The following LIMD1 variants were observed in gnomAD, a reference collection of about 807,000 sequenced individuals.
LIMD1 encodes the protein LIM domain-containing protein 1.
A neutral mutation model predicts 58.4 loss-of-function variants in LIMD1; 23 were observed. The ratio of observed to expected loss-of-function variants is 0.39; its 90% CI spans 0.28 to 0.56. LIMD1 has a LOEUF of 0.56. Among genes scored for constraint, LIMD1 ranks in the 20% least tolerant of loss-of-function variants. The pLI, the probability that LIMD1 is intolerant of heterozygous loss-of-function variation, is 0.57. For synonymous variants in LIMD1, 334 were observed against 345.5 expected, an observed-to-expected ratio of 0.97 and a Z score of 0.37; for missense variants, 838 against 855.5, an observed-to-expected ratio of 0.98 and a Z score of 0.25.
At chr3:45,646,072 T>C (rs1219658357) in intron 2 of LIMD1, among the ~76,000 whole-genome samples, 1 of 151,412 alleles carries the variant, frequency 6.6e-6, no homozygotes, top group Admixed American at 6.6e-5. Context: ...AGGCTTTATA[T>C]GCAGTCCAGT....
intron 1 of LIMD1, among the ~76,000 whole-genome samples, chr3:45,598,521 T>C (rs993857141): frequency 6.6e-6 from 1 of 152,198 alleles, no homozygotes; most frequent in Non-Finnish European, 1.5e-5. Flanking sequence ...ATTGAGCACC[T>C]ATCTTGAGGC....
At chr3:45,596,426 G>C in intron 1 of LIMD1, 139 bp downstream of exon 1, 1 of 705,928 alleles carries the variant, frequency 1.4e-6, no homozygotes, top group Non-Finnish European at 2.4e-6. Context: ...TTTGTTTTGG[G>C]CTTCCTCTTT....
At chr3:45,611,242 A>G (rs267212) in intron 1 of LIMD1, among the ~76,000 whole-genome samples, 35,462 of 152,216 alleles carry the variant, frequency 0.23, 4,290 homozygotes, top group East Asian at 0.36. Context: ...GGCTGATTTC[A>G]TGATTGCCAA....
Position 45,685,084 on chromosome 3 carries a change from T to C in LIMD1, c.*8025T>C, listed in dbSNP as rs1467740304. 6.6e-6 allele frequency: 1 copy of C among 152,216 alleles called. No homozygotes were observed. The highest frequency in any genetic ancestry group is 6.5e-5 in the Admixed American group (1 of 15,288). The allele number at this position is 152,216 out of a possible 1,614,324, so 9.4% of individuals were successfully genotyped here. A position where few individuals can be genotyped will look rare whatever the true frequency, so the allele number is the denominator to read the frequency against. On this transcript the variant is annotated 3_prime_UTR_variant, in exon 8 of 8. Coordinates refer to ENST00000273317, the MANE Select transcript of LIMD1 (RefSeq NM_014240.3). Reference sequence around the variant, plus strand: ...TATTTGGATGTGCCAACAAGCTTCATCTGCAGCTTGGACTGTCTCCATTGG... The same window carrying C: ...TATTTGGATGTGCCAACAAGCTTCACCTGCAGCTTGGACTGTCTCCATTGG...
In LIMD1 at chr3:45,672,797, C is replaced by T. The variant is rs756000628; in HGVS notation, c.1749C>T (p.Ile583=). 5 of 1,613,942 alleles carry T rather than the reference C, an allele frequency of 3.1e-6. No individual in the cohort carries two copies. The Admixed American group carries it at 6.7e-5, about 22-fold the overall frequency. Residue 583 remains isoleucine, a synonymous_variant, in exon 5 of 8, where the codon ATC becomes ATT. Coordinates refer to ENST00000273317, the MANE Select transcript of LIMD1 (RefSeq NM_014240.3). ...VPFTVDSENK[I]YCVRDYHKVL... is the part of the protein sequence containing the mutation. Reference sequence around the variant, plus strand: ...TCACCGTGGACTCAGAGAACAAGATCTACTGTGTCCGAGATTACCACAAGT... The same window carrying T: ...TCACCGTGGACTCAGAGAACAAGATTTACTGTGTCCGAGATTACCACAAGT...
At position 45,685,193 on chromosome 3, in the gene LIMD1, C is replaced by T. The variant is rs1415968449; in HGVS notation, c.*8134C>T. ...GGCTACAGATATGAATTTATATTAC[C>T]CATCATTGGCTGGTTCCTTATCCTG... On this transcript the variant is annotated 3_prime_UTR_variant, in exon 8 of 8. Transcript: ENST00000273317. 1 of 152,036 alleles carries T rather than the reference C, an allele frequency of 6.6e-6. No homozygotes were observed. The highest frequency in any genetic ancestry group is 1.5e-5 in the Non-Finnish European group (1 of 68,016). 9.4% of individuals were successfully genotyped at this position (152,036 alleles called of 1,614,324 possible).
At chr3:45,621,055 A>C (rs1010285257) in intron 1 of LIMD1, among the ~76,000 whole-genome samples, 2 of 152,322 alleles carry the variant, frequency 1.3e-5, no homozygotes, top group Middle Eastern at 3.4e-3. Flanking sequence ...CCAGTTCGGG[A>C]CAGCATGCAA....
At chr3:45,618,409 C>T (rs1432233498) in intron 1 of LIMD1, among the ~76,000 whole-genome samples, 1 of 152,066 alleles carries the variant, frequency 6.6e-6, no homozygotes, top group Non-Finnish European at 1.5e-5. Context: ...GGTCATTACC[C>T]AGTGGAGGAG....
chr3:45,645,167 C>T (rs11706765), intron 2 of LIMD1, among the ~76,000 whole-genome samples: 48,728 of 151,980 alleles, frequency 0.32, 8,321 homozygotes, highest in East Asian at 0.54. Flanking sequence ...CTGCAGGGAT[C>T]GGAAGAGAGT....
intron 2 of LIMD1, among the ~76,000 whole-genome samples, chr3:45,660,583 T>G (rs1429564202): frequency 1.3e-5 from 2 of 152,036 alleles, no homozygotes; most frequent in Non-Finnish European, 2.9e-5. Context: ...GCCAAGCTAA[T>G]TTTTGTATTT....
chr3:45,674,586 A>C, intron 7 of LIMD1, 175 bp downstream of exon 7: 2 of 597,050 alleles, frequency 3.3e-6, no homozygotes, highest in Non-Finnish European at 6.1e-6. Context: ...AGAAGATGGA[A>C]ATGCTCAAGG....
At chr3:45,606,749 G>T (rs1701471320) in intron 1 of LIMD1, among the ~76,000 whole-genome samples, 1 of 152,200 alleles carries the variant, frequency 6.6e-6, no homozygotes, top group Admixed American at 6.5e-5. Context: ...GGGGTCAGGA[G>T]CAACCCCAGG....
chr3:45,655,490 T>C (rs1450314328), intron 2 of LIMD1, among the ~76,000 whole-genome samples: 1 of 152,166 alleles, frequency 6.6e-6, no homozygotes, highest in African/African-American at 2.4e-5. Context: ...TTGACCAAGA[T>C]GAACAGCATC....
chr3:45,613,998 G>A (rs1243677227), intron 1 of LIMD1, among the ~76,000 whole-genome samples: 1 of 151,974 alleles, frequency 6.6e-6, no homozygotes, highest in Admixed American at 6.6e-5. Flanking sequence ...GAATTTCTTG[G>A]GGGCCCTGCT....
At chr3:45,606,718 G>A (rs544878032) in intron 1 of LIMD1, among the ~76,000 whole-genome samples, 13 of 152,230 alleles carry the variant, frequency 8.5e-5, no homozygotes, top group South Asian at 2.1e-4. Flanking sequence ...TCCCTTGGGC[G>A]TGAGCAAGAT....
At position 45,668,812 on chromosome 3, in the gene LIMD1, G is replaced by C. The variant is rs140195015; in HGVS notation, c.1641+456G>C. ...TGCTTGTTCTAATAGAACCCACATT[G>C]TTGGCTTTTATTGGAATTAACATCT... On this transcript the variant is annotated intron_variant, in intron 4 of 7. Coordinates refer to ENST00000273317, the MANE Select transcript of LIMD1 (RefSeq NM_014240.3). Among the ~76,000 whole-genome samples, 514 of 151,182 alleles carry C rather than the reference G, an allele frequency of 3.4e-3. 1 individual carries two copies. The highest frequency in any genetic ancestry group is 0.01 in the Middle Eastern group (3 of 286).
In LIMD1 at chr3:45,595,293, G is replaced by C; in HGVS notation, c.414G>C (p.Leu138=). The C allele has an allele frequency of 6.2e-7, 1 of 1,613,260 alleles. No individual in the cohort carries two copies. Among genetic ancestry groups the C allele is most frequent in the Non-Finnish European group, 8.5e-7 (1 of 1,180,028 alleles). Residue 138 remains leucine, a synonymous_variant, in exon 1 of 8, where the codon CTG becomes CTC. Coordinates refer to ENST00000273317, the MANE Select transcript of LIMD1 (RefSeq NM_014240.3). ...PPQEQRSRPY[L]HGTRHGSQDC... is the part of the protein sequence containing the mutation. ...AGGAGCAGAGATCCAGGCCATACCTGCATGGCACGAGGCATGGCAGCCAGG... is the reference window on the plus strand; with the variant it reads ...AGGAGCAGAGATCCAGGCCATACCTCCATGGCACGAGGCATGGCAGCCAGG...
At chr3:45,607,936 C>T (rs1029278908) in intron 1 of LIMD1, among the ~76,000 whole-genome samples, 1 of 152,226 alleles carries the variant, frequency 6.6e-6, no homozygotes, top group African/African-American at 2.4e-5. Context: ...AGGGCTGGCC[C>T]TGAGGTTTTG....
chr3:45,643,090 C>G lies in LIMD1; in HGVS notation c.1510+6839C>G, dbSNP rs569961477. 8.5e-5 allele frequency among the ~76,000 whole-genome samples: 13 copies of G among 152,264 alleles called. 1 individual carries two copies. In the South Asian group the frequency reaches 2.1e-3, roughly 24 times the overall value. On this transcript the variant is annotated intron_variant, in intron 2 of 7. Coordinates refer to ENST00000273317, the MANE Select transcript of LIMD1 (RefSeq NM_014240.3). ...TCTACTTACATGTCAAGTGGCCTGT[C>G]TGAGGGAGGCTGGCTCCCACCTGTG...
Sources: gnomAD v4.1 joint callset for allele counts (sites outside exome capture counted in the v4.1 genomes callset) on GRCh38, gnomAD v4.1.1 for gene constraint, MANE v1.5 for transcripts, NCBI Gene and HGNC (gene_info 2026-07-23, HGNC 2026-07-21) for gene names.